Variants in EPB41 observed in about 807,000 individuals in gnomAD.
EPB41 encodes protein 4.1.
In EPB41, 65 loss-of-function variants were observed where a neutral mutation model predicts 108.0. That is an observed-to-expected ratio of 0.60 (90% CI 0.49 to 0.74). EPB41 has a LOEUF of 0.74. Among genes scored for constraint, EPB41 ranks in the 30% least tolerant of loss-of-function variants. EPB41 has a pLI of 0.00. For synonymous variants in EPB41, 336 were observed against 358.9 expected (o/e 0.94, Z 0.72); for missense variants, 875 against 1,037.0 (o/e 0.84, Z 2.15).
intron 12 of EPB41, 90 bp from the exon 13 acceptor site, chr1:29,058,499 G>A: frequency 1.7e-6 from 2 of 1,175,982 alleles, no homozygotes; most frequent in Admixed American, 1.9e-5. Context: ...TTCACAACCA[G>A]CTTAAAGATG....
At chr1:28,936,124 A>G (rs1420005666) in intron 1 of EPB41, among the ~76,000 whole-genome samples, 1 of 151,986 alleles carries the variant, frequency 6.6e-6, no homozygotes, top group Non-Finnish European at 1.5e-5. Flanking sequence ...CTTCATTCTT[A>G]TCTTAGGGTG....
intron 2 of EPB41, among the ~76,000 whole-genome samples, chr1:28,988,212 A>G (rs1291061552): frequency 6.6e-6 from 1 of 152,202 alleles, no homozygotes; most frequent in Non-Finnish European, 1.5e-5. Flanking sequence ...GTGAGCTGAG[A>G]TCGTGCCACT....
At chr1:28,986,740 G>A (rs2095876256) in intron 1 of EPB41, among the ~76,000 whole-genome samples, 1 of 151,830 alleles carries the variant, frequency 6.6e-6, no homozygotes, top group Non-Finnish European at 1.5e-5. Flanking sequence ...GACCTGCCTG[G>A]GCAATATAGC....
intron 7 of EPB41, among the ~76,000 whole-genome samples, chr1:29,026,962 G>T (rs1381419291): frequency 1.3e-4 from 20 of 151,748 alleles, no homozygotes; most frequent in Admixed American, 1.3e-3. Context: ...CATGGTGGCG[G>T]GTGCCTGTAG....
intron 1 of EPB41, among the ~76,000 whole-genome samples, chr1:28,952,191 G>A (rs1028179782): frequency 7.9e-5 from 12 of 151,930 alleles, no homozygotes; most frequent in Non-Finnish European, 1.6e-4. Context: ...ATCCCTTCCT[G>A]GAGTGAGGAG....
chr1:28,987,714 CA>C lies in EPB41; in HGVS notation c.278del (p.Gln93ArgfsTer10). 2 of 1,614,140 alleles carry C rather than the reference CA, an allele frequency of 1.2e-6. No homozygotes were observed. Among genetic ancestry groups the C allele is most frequent in the Non-Finnish European group, 1.7e-6 (2 of 1,180,030 alleles). ...FSSFLKRPKS[Q>X]VSEEEGKEVE... The stretch of plus-strand genomic sequence containing the variant: ...CTCGTTTCTCAAAAGGCCCAAATCT[CA>C]GGTGTCCGAGGAAGAAGGCAAAGAA... On this transcript the variant is annotated frameshift_variant, in exon 2 of 21. Coordinates refer to ENST00000343067, the MANE Select transcript of EPB41 (RefSeq NM_001376013.1). LOFTEE classifies it high-confidence loss of function.
At position 29,061,572 on chromosome 1, in the gene EPB41, GTTTTTT is replaced by G. The variant is rs34413393; in HGVS notation, c.2007+1109_2007+1114del. On this transcript the variant is annotated intron_variant, in intron 15 of 20. Coordinates refer to ENST00000343067, the MANE Select transcript of EPB41 (RefSeq NM_001376013.1). ...GCGTGAGCCACTGCGCCTGGCCTTT[GTTTTTT>G]TTTTTTTTTTTTTTTTTTTTGAGGC... 4.1e-4 allele frequency among the ~76,000 whole-genome samples: 26 copies of G among 64,050 alleles called. 1 individual carries two copies. In the East Asian group the frequency reaches 6.6e-3, roughly 16 times the overall value. 42.0% of individuals were successfully genotyped at this position (64,050 alleles called of 152,430 possible).
chr1:28,981,451 C>G (rs1432130198), intron 1 of EPB41, among the ~76,000 whole-genome samples: 2 of 152,216 alleles, frequency 1.3e-5, no homozygotes, highest in African/African-American at 2.4e-5. Context: ...TGATGTAAGA[C>G]TTCAAAATAT....
intron 16 of EPB41, among the ~76,000 whole-genome samples, chr1:29,066,830 C>A (rs1031003555): frequency 4.0e-5 from 6 of 151,598 alleles, no homozygotes; most frequent in African/African-American, 1.2e-4. Flanking sequence ...CCTGCCGCCA[C>A]GCCCAGCTAA....
intron 16 of EPB41, among the ~76,000 whole-genome samples, chr1:29,088,476 ATCT>A (rs1660060765): frequency 6.6e-6 from 1 of 152,094 alleles, no homozygotes; most frequent in Non-Finnish European, 1.5e-5. Context: ...CCATATATTC[ATCT>A]TCTACTTGAG....
At chr1:28,996,688 A>G (rs2096184303) in intron 3 of EPB41, among the ~76,000 whole-genome samples, 1 of 152,244 alleles carries the variant, frequency 6.6e-6, no homozygotes. Flanking sequence ...TGTGTATTAC[A>G]TATGTAAACT....
intron 1 of EPB41, among the ~76,000 whole-genome samples, chr1:28,916,407 G>A (rs1411471344): frequency 6.6e-6 from 1 of 152,176 alleles, no homozygotes; most frequent in Non-Finnish European, 1.5e-5. Context: ...AGGCCAAGGC[G>A]GGTGGATCAC....
chr1:28,994,851 G>A (rs918128539), intron 3 of EPB41, among the ~76,000 whole-genome samples: 1 of 150,144 alleles, frequency 6.7e-6, no homozygotes, highest in Non-Finnish European at 1.5e-5. Context: ...GTAGAGACAG[G>A]TTCTCACCAT....
chr1:29,011,083 C>A (rs1572400731), intron 4 of EPB41, among the ~76,000 whole-genome samples: 1 of 133,540 alleles, frequency 7.5e-6, no homozygotes, highest in African/African-American at 2.8e-5. Flanking sequence ...GAGATTGCGC[C>A]ATTGCTCTCC....
chr1:29,055,964 C>T (rs866387085), intron 12 of EPB41, among the ~76,000 whole-genome samples: 7 of 142,850 alleles, frequency 4.9e-5, no homozygotes, highest in African/African-American at 1.3e-4. Flanking sequence ...GGGCCGGGCG[C>T]GGTGGCTCAC....
chr1:29,011,841 G>C (rs755600332), intron 4 of EPB41, 24 bp from the exon 5 acceptor site: 1 of 1,613,930 alleles, frequency 6.2e-7, no homozygotes. Context: ...AGCTCTGTGT[G>C]AATGCCTTTT....
At chr1:28,978,669 A>G (rs1362811554) in intron 1 of EPB41, among the ~76,000 whole-genome samples, 1 of 151,336 alleles carries the variant, frequency 6.6e-6, no homozygotes, top group Non-Finnish European at 1.5e-5. Context: ...GGTGGGGAAG[A>G]TCTGCCCTCA....
At chr1:29,083,104 C>CTT (rs1257974685) in intron 16 of EPB41, among the ~76,000 whole-genome samples, 2 of 150,046 alleles carry the variant, frequency 1.3e-5, no homozygotes, top group Non-Finnish European at 3.0e-5. Flanking sequence ...GAAAATGACT[C>CTT]TGAGTTTCAT....
At chr1:28,903,320 T>C (rs2091474867) in intron 1 of EPB41, among the ~76,000 whole-genome samples, 1 of 144,852 alleles carries the variant, frequency 6.9e-6, no homozygotes, top group Non-Finnish European at 1.5e-5. Flanking sequence ...TCTTTTTCTT[T>C]TCTTTCTTTT....
Sources: gnomAD v4.1 joint callset for allele counts (sites outside exome capture counted in the v4.1 genomes callset) on GRCh38, gnomAD v4.1.1 for gene constraint, MANE v1.5 for transcripts, NCBI Gene and HGNC (gene_info 2026-07-23, HGNC 2026-07-21) for gene names.